SLC6A20: variants seen among roughly 807,000 people sequenced by gnomAD.
The protein encoded by SLC6A20 is solute carrier family 6 member 20, also known as sodium- and chloride-dependent transporter XTRP3.
Under a neutral mutation model 64.3 loss-of-function variants are expected in SLC6A20, and 73 were observed. The observed-to-expected ratio is 1.14, with a 90% confidence interval of 0.94 to 1.38. The LOEUF is 1.38. Ranked by LOEUF, SLC6A20 falls within the 40% of genes most tolerant of loss-of-function variation. The probability of loss-of-function intolerance (pLI) is 0.00; values close to 1 mark genes in which losing one functional copy is unlikely to be tolerated. For missense variants in SLC6A20, 725 were observed against 772.8 expected (o/e 0.94, Z 0.73); for synonymous variants, 347 against 329.6 (o/e 1.05, Z -0.57).
intron 3 of SLC6A20, 117 bp from the exon 4 acceptor site, chr3:45,776,105 C>A: frequency 1.0e-6 from 1 of 984,946 alleles, no homozygotes; most frequent in Non-Finnish European, 1.5e-6. Flanking sequence ...TGCTGGTCCC[C>A]GAAGGGCAGG....
At chr3:45,793,386 G>A (rs28437706) in intron 1 of SLC6A20, among the ~76,000 whole-genome samples, 10,362 of 152,244 alleles carry the variant, frequency 0.068, 350 homozygotes, top group African/African-American at 0.079. Context: ...TTGCATCCCC[G>A]ATTTCTTCCT....
chr3:45,764,402 T>C lies in SLC6A20; in HGVS notation c.1303+1135A>G, dbSNP rs528291846. 3.9e-5 allele frequency among the ~76,000 whole-genome samples: 6 copies of C among 152,296 alleles called. No individual in the cohort carries two copies. The East Asian group carries it at 1.2e-3, about 29-fold the overall frequency. On this transcript the variant is annotated intron_variant, in intron 8 of 10. Transcript: ENST00000358525. ...TGTGTACAATAGGACTTCGTTCATA[T>C]GAAATTCAGGAACAGGAAGGCCAGG...
At chr3:45,771,086 T>C (rs1194308635) in intron 6 of SLC6A20, 131 bp downstream of exon 6, 1 of 1,330,176 alleles carries the variant, frequency 7.5e-7, no homozygotes, top group Non-Finnish European at 1.0e-6. Context: ...GGTGGTGGTG[T>C]AGGGAGTCCA....
At chr3:45,780,631 G>A (rs1700064836) in intron 2 of SLC6A20, among the ~76,000 whole-genome samples, 1 of 152,166 alleles carries the variant, frequency 6.6e-6, no homozygotes. Context: ...GTGGGGAGGG[G>A]GCTGCCCGTA....
At chr3:45,769,867 G>A (rs1284971588) in intron 7 of SLC6A20, among the ~76,000 whole-genome samples, 1 of 152,128 alleles carries the variant, frequency 6.6e-6, no homozygotes, top group Non-Finnish European at 1.5e-5. Flanking sequence ...AAAAAAATCT[G>A]AGCCCAAAAT....
intron 7 of SLC6A20, among the ~76,000 whole-genome samples, chr3:45,768,603 G>A (rs1304165724): frequency 6.6e-6 from 1 of 152,156 alleles, no homozygotes; most frequent in Non-Finnish European, 1.5e-5. Flanking sequence ...CCAATAACAG[G>A]CATGGAGCTA....
intron 8 of SLC6A20, among the ~76,000 whole-genome samples, chr3:45,763,653 T>C (rs1436470393): frequency 6.6e-6 from 1 of 152,090 alleles, no homozygotes; most frequent in Admixed American, 6.5e-5. Flanking sequence ...CTTTCACAGA[T>C]GGGAAGGCAA....
rs756497970 is a variant in SLC6A20 at position 45,796,412 on chromosome 3, T to G, written c.8A>C (p.Lys3Thr). 2 of 1,611,040 alleles carry G rather than the reference T, an allele frequency of 1.2e-6. No individual in the cohort carries two copies. Among genetic ancestry groups the G allele is most frequent in the Admixed American group, 3.3e-5 (2 of 59,776 alleles). ME[K>T]ARPLWANSLQ... The stretch of plus-strand genomic sequence containing the variant: ...CGAGTTGGCCCACAGCGGCCGCGCT[T>G]TCTCCATGGCCCCGGCCTCGGCGCG... Residue 3 changes from lysine to threonine, a missense_variant, in exon 1 of 11, where the codon AAA (lysine) becomes ACA (threonine). By Grantham distance (78) the Lys-to-Thr change is moderately conservative (BLOSUM62 -1). Coordinates refer to ENST00000358525, the MANE Select transcript of SLC6A20 (RefSeq NM_020208.4).
At position 45,756,633 on chromosome 3, in the gene SLC6A20, GTGTT is replaced by G. The variant is rs1032126595; in HGVS notation, c.*2341_*2344del. The G allele has an allele frequency of 2.0e-5, 3 of 152,328 alleles. No homozygotes were observed. Among genetic ancestry groups the G allele is most frequent in the Admixed American group, 6.5e-5 (1 of 15,308 alleles). The allele number at this position is 152,328 out of a possible 1,614,324, so 9.4% of individuals were successfully genotyped here. ...CATCTCCGGCCAACGTCCCAGGTGA[GTGTT>G]TGTGTCTTCAAAGATATCTGTGCAA... On this transcript the variant is annotated 3_prime_UTR_variant, in exon 11 of 11. Coordinates refer to ENST00000358525, the MANE Select transcript of SLC6A20 (RefSeq NM_020208.4).
At chr3:45,788,009 G>A (rs903332488) in intron 1 of SLC6A20, among the ~76,000 whole-genome samples, 8 of 152,210 alleles carry the variant, frequency 5.3e-5, no homozygotes, top group East Asian at 3.9e-4. Context: ...GCAGTGGTGC[G>A]ATCACGGCTC....
chr3:45,782,421 G>C (rs558010532), intron 1 of SLC6A20, among the ~76,000 whole-genome samples, 198 bp from the exon 2 acceptor site: 6 of 151,250 alleles, frequency 4.0e-5, no homozygotes, highest in Admixed American at 2.0e-4. Context: ...CATCCCTCTT[G>C]CTGCCATTCC....
chr3:45,773,343 G>A (rs554176778), intron 4 of SLC6A20, among the ~76,000 whole-genome samples: 1 of 152,332 alleles, frequency 6.6e-6, no homozygotes, highest in Non-Finnish European at 1.5e-5. Flanking sequence ...CATTACACCT[G>A]AATGGACATT....
At position 45,755,870 on chromosome 3, in the gene SLC6A20, C is replaced by T. The variant is rs1159980725; in HGVS notation, c.*3108G>A. The T allele has an allele frequency of 6.6e-6, 1 of 152,556 alleles. No homozygotes were observed. The highest frequency in any genetic ancestry group is 6.5e-5 in the Admixed American group (1 of 15,280). The allele number at this position is 152,556 out of a possible 1,614,324, so 9.5% of individuals were successfully genotyped here. A position where few individuals can be genotyped will look rare whatever the true frequency, so the allele number is the denominator to read the frequency against. On this transcript the variant is annotated 3_prime_UTR_variant, in exon 11 of 11. Coordinates refer to ENST00000358525, the MANE Select transcript of SLC6A20 (RefSeq NM_020208.4). ...TCTGTTTGAGTTCCATGAGCAAAAACTATTCCGTAGAAGTAACTCTTCCAT... is the reference window on the plus strand; with the variant it reads ...TCTGTTTGAGTTCCATGAGCAAAAATTATTCCGTAGAAGTAACTCTTCCAT...
intron 2 of SLC6A20, among the ~76,000 whole-genome samples, chr3:45,780,898 T>C (rs1056616667): frequency 6.6e-6 from 1 of 152,218 alleles, no homozygotes; most frequent in African/African-American, 2.4e-5. Flanking sequence ...GGTTGTTAAA[T>C]ATTCACCAGC....
chr3:45,772,783 C>T (rs1699899001), intron 4 of SLC6A20, among the ~76,000 whole-genome samples, 168 bp from the exon 5 acceptor site: 1 of 152,104 alleles, frequency 6.6e-6, no homozygotes, highest in African/African-American at 2.4e-5. Context: ...TGGGTTAGGG[C>T]TGGGGAAGTG....
At chr3:45,760,093 T>C in intron 9 of SLC6A20, 71 bp from the exon 10 acceptor site, 1 of 1,504,102 alleles carries the variant, frequency 6.6e-7, no homozygotes, top group East Asian at 2.3e-5. Flanking sequence ...AGCTTGCCTG[T>C]CCCTATTCAC....
At chr3:45,780,712 TCTGGGGCTGGCC>T (rs1254906875) in intron 2 of SLC6A20, among the ~76,000 whole-genome samples, 11 of 109,516 alleles carry the variant, frequency 1.0e-4, no homozygotes, top group African/African-American at 3.6e-4. Flanking sequence ...GCAGCAGGGC[TCTGGGGCTGGCC>T]CACACCAGCC....
rs539426453 is a variant in SLC6A20, at chr3:45,765,235, T to C, written c.1303+302A>G. ...CTGAAATATATATAATATACTTCAA[T>C]GAAAATGAACAGAAACAAAATCGAG... On this transcript the variant is annotated intron_variant, in intron 8 of 10. Transcript: ENST00000358525. The surrounding 1 kb of genome is among the most constrained non-coding windows in gnomAD (Gnocchi z 4.2). Among the ~76,000 whole-genome samples the C allele has an allele frequency of 6.6e-6, 1 of 152,170 alleles. No homozygotes were observed. The highest frequency in any genetic ancestry group is 2.4e-5 in the African/African-American group (1 of 41,534).
intron 4 of SLC6A20, among the ~76,000 whole-genome samples, chr3:45,773,700 T>TCC (rs3051635): frequency 0.74 from 112,296 of 151,986 alleles, 43,792 homozygotes; most frequent in Middle Eastern, 0.93. Context: ...CACTTGGCCC[T>TCC]CCCTTCCTAT....
Sources: gnomAD v4.1 joint callset for allele counts (sites outside exome capture counted in the v4.1 genomes callset) on GRCh38, gnomAD v4.1.1 for gene constraint, Gnocchi (gnomAD v3.1) non-coding constraint, MANE v1.5 for transcripts, NCBI Gene and HGNC (gene_info 2026-07-23, HGNC 2026-07-21) for gene names.